The following PLCL2 variants were observed in gnomAD, a reference collection of about 807,000 sequenced individuals.
The protein encoded by PLCL2 is inactive phospholipase C-like protein 2.
Under a neutral mutation model 79.6 loss-of-function variants are expected in PLCL2, and 4 were observed. The observed-to-expected ratio is 0.05, with a 90% CI of 0.02 to 0.11. The LOEUF (loss-of-function observed/expected upper bound fraction) is 0.11, where lower values mean the gene tolerates loss of function less well. Ranked by LOEUF, PLCL2 falls within the 10% of genes least tolerant of loss-of-function variation. The pLI is 1.00. For synonymous variants in PLCL2, 484 were observed against 457.7 expected, an observed-to-expected ratio of 1.06 and a Z score of -0.73; for missense variants, 895 against 1,291.0, an observed-to-expected ratio of 0.69 and a Z score of 4.70.
chr3:16,948,203 G>A (rs1258712819), intron 1 of PLCL2, among the ~76,000 whole-genome samples: 1 of 152,194 alleles, frequency 6.6e-6, no homozygotes, highest in Non-Finnish European at 1.5e-5. Context: ...AAGTACTGAT[G>A]CATGCTACAC....
intron 1 of PLCL2, among the ~76,000 whole-genome samples, chr3:16,975,678 G>T (rs559866615): frequency 6.6e-6 from 1 of 152,156 alleles, no homozygotes; most frequent in Non-Finnish European, 1.5e-5. Flanking sequence ...AGGAGTGTGT[G>T]TGTGAGGAGG....
At chr3:17,064,235 A>G (rs1485059474) in intron 4 of PLCL2, among the ~76,000 whole-genome samples, 1 of 152,146 alleles carries the variant, frequency 6.6e-6, no homozygotes, top group East Asian at 1.9e-4. Context: ...GAACAATGCA[A>G]TTTGCATCTT....
intron 3 of PLCL2, among the ~76,000 whole-genome samples, chr3:17,034,876 C>G (rs1471401978): frequency 1.3e-5 from 2 of 148,226 alleles, no homozygotes; most frequent in African/African-American, 5.1e-5. Context: ...ACCAAATGAC[C>G]AGATCCGCAG....
intron 1 of PLCL2, among the ~76,000 whole-genome samples, chr3:16,916,971 G>A (rs11928414): frequency 0.34 from 51,949 of 151,846 alleles, 9,060 homozygotes; most frequent in East Asian, 0.53. Flanking sequence ...GTTCTTTGTC[G>A]TACGAGCCCC....
At chr3:17,063,074 TTTCTAAATATGACC>T (rs2064967980) in intron 4 of PLCL2, among the ~76,000 whole-genome samples, 7 of 151,724 alleles carry the variant, frequency 4.6e-5, no homozygotes, top group Admixed American at 3.9e-4. Flanking sequence ...AATTTAAAAA[TTTCTAAATATGACC>T]TTCTAAATAT....
At chr3:16,920,153 A>T (rs1444280057) in intron 1 of PLCL2, among the ~76,000 whole-genome samples, 1 of 152,046 alleles carries the variant, frequency 6.6e-6, no homozygotes, top group Non-Finnish European at 1.5e-5. Context: ...AGTTACTTTG[A>T]CCTCTGAAGC....
chr3:17,080,321 G>A (rs191280714), intron 5 of PLCL2, among the ~76,000 whole-genome samples: 1 of 152,270 alleles, frequency 6.6e-6, no homozygotes, highest in African/African-American at 2.4e-5. Context: ...CAAGCTAGGA[G>A]GCCTTCCTTA....
intron 1 of PLCL2, among the ~76,000 whole-genome samples, chr3:16,967,519 G>T (rs2063819595): frequency 6.6e-6 from 1 of 151,996 alleles, no homozygotes; most frequent in Admixed American, 6.6e-5. Flanking sequence ...AATGATTATT[G>T]TTGAGCATTT....
At chr3:17,057,455 G>T (rs545336744) in intron 4 of PLCL2, among the ~76,000 whole-genome samples, 2 of 152,178 alleles carry the variant, frequency 1.3e-5, no homozygotes, top group Non-Finnish European at 2.9e-5. Context: ...CCCAGAAAAA[G>T]AATGTGAATG....
chr3:16,988,511 C>T (rs1019205219), intron 1 of PLCL2, among the ~76,000 whole-genome samples: 7 of 152,056 alleles, frequency 4.6e-5, no homozygotes, highest in Admixed American at 1.3e-4. Context: ...CCATTGCTGA[C>T]GGTGGCTGCG....
At chr3:17,004,218 G>A (rs911208997) in intron 1 of PLCL2, among the ~76,000 whole-genome samples, 1 of 152,088 alleles carries the variant, frequency 6.6e-6, no homozygotes, top group Non-Finnish European at 1.5e-5. Flanking sequence ...TTTCTTGTTA[G>A]GGTAGAAGTG....
chr3:17,080,374 C>T (rs2124953571), intron 5 of PLCL2, among the ~76,000 whole-genome samples: 1 of 152,288 alleles, frequency 6.6e-6, no homozygotes, highest in South Asian at 2.1e-4. Context: ...CTCAAAAGAA[C>T]TCTTGAAAGG....
chr3:16,953,320 A>G (rs1287210188), intron 1 of PLCL2, among the ~76,000 whole-genome samples: 1 of 152,142 alleles, frequency 6.6e-6, no homozygotes, highest in Non-Finnish European at 1.5e-5. Context: ...ATTTCACTTC[A>G]TGTATTTCTA....
intron 1 of PLCL2, among the ~76,000 whole-genome samples, chr3:16,985,272 T>A (rs34053933): frequency 0.21 from 31,616 of 152,038 alleles, 3,465 homozygotes; most frequent in Admixed American, 0.25. Context: ...CTAATTACAT[T>A]GTCTTGAAAT....
At chr3:17,051,677 A>C (rs1361528659) in intron 4 of PLCL2, among the ~76,000 whole-genome samples, 1 of 152,174 alleles carries the variant, frequency 6.6e-6, no homozygotes, top group African/African-American at 2.4e-5. Flanking sequence ...GCCCCCATCT[A>C]TAAAGCTGCT....
At chr3:17,020,434 G>A (rs1327767147) in intron 3 of PLCL2, among the ~76,000 whole-genome samples, 1 of 152,158 alleles carries the variant, frequency 6.6e-6, no homozygotes, top group Non-Finnish European at 1.5e-5. Flanking sequence ...AGGCAGTACG[G>A]TGGTTCACAT....
intron 4 of PLCL2, among the ~76,000 whole-genome samples, chr3:17,044,767 C>T (rs969371113): frequency 3.2e-4 from 48 of 151,972 alleles, no homozygotes; most frequent in Admixed American, 3.9e-4. Context: ...AAAAACTATT[C>T]AACAATTTGA....
intron 1 of PLCL2, among the ~76,000 whole-genome samples, chr3:16,970,838 C>G (rs1559503131): frequency 1.3e-5 from 2 of 149,104 alleles, no homozygotes; most frequent in Non-Finnish European, 1.5e-5. Context: ...TTTCATGTGT[C>G]TTTTGGCTGC....
Position 17,011,011 on chromosome 3 carries a change from A to T in PLCL2, c.1665A>T (p.Leu555=). 6.2e-7 allele frequency: 1 copy of T among 1,614,022 alleles called. No individual in the cohort carries two copies. The highest frequency in any genetic ancestry group is 8.5e-7 in the Non-Finnish European group (1 of 1,179,942). The change falls in exon 2 of 6, where the codon CTA becomes CTT. Residue 555 remains leucine (L), a synonymous_variant. Transcript: ENST00000615277. This position sits in a 1 kb window ranked among gnomAD's most constrained non-coding sequence, Gnocchi z 7.9. The stretch of plus-strand genomic sequence containing the variant: ...CACCCAATGTTGAGGAATCTTATCT[A>T]CCATCCCCAGATGTCCTGAAAGGGA... ...TTSPNVEESY[L]PSPDVLKGKI...
Sources: allele counts gnomAD v4.1 joint callset (sites outside exome capture counted in the v4.1 genomes callset), GRCh38; gene constraint gnomAD v4.1.1; non-coding constraint Gnocchi (gnomAD v3.1); transcripts MANE v1.5; gene names NCBI Gene and HGNC (gene_info 2026-07-23, HGNC 2026-07-21).